The following SORCS2 variants were observed in gnomAD, a reference collection of about 807,000 sequenced individuals.
The protein encoded by SORCS2 is VPS10 domain-containing receptor SorCS2.
In SORCS2, 100 loss-of-function variants were observed where a neutral mutation model predicts 141.6. The observed-to-expected ratio is 0.71, with a 90% CI of 0.60 to 0.83. The LOEUF (loss-of-function observed/expected upper bound fraction) is 0.83, where lower values mean the gene tolerates loss of function less well. Ranked by LOEUF, SORCS2 falls within the 40% of genes least tolerant of loss-of-function variation. The probability of loss-of-function intolerance (pLI) is 0.00; values close to 1 mark genes in which losing one functional copy is unlikely to be tolerated. For missense variants in SORCS2, 1,646 were observed against 1,560.2 expected (o/e 1.05, Z -0.93); for synonymous variants, 789 against 676.9 (o/e 1.17, Z -2.57).
intron 8 of SORCS2, among the ~76,000 whole-genome samples, chr4:7,674,418 A>G (rs1035999488): frequency 5.3e-5 from 8 of 151,844 alleles, no homozygotes; most frequent in African/African-American, 1.9e-4. Context: ...CTAAAAATAC[A>G]AAAAATTAGC....
At chr4:7,478,771 C>CA (rs1229341740) in intron 2 of SORCS2, among the ~76,000 whole-genome samples, 2 of 152,176 alleles carry the variant, frequency 1.3e-5, no homozygotes, top group African/African-American at 4.8e-5. Flanking sequence ...TTTCTGTGAT[C>CA]ACTGGGAAGG....
chr4:7,651,060 A>G (rs1721416620), intron 4 of SORCS2, among the ~76,000 whole-genome samples: 1 of 152,198 alleles, frequency 6.6e-6, no homozygotes, highest in Non-Finnish European at 1.5e-5. Context: ...CATCAGTTAT[A>G]GAATCACTGG....
intron 14 of SORCS2, among the ~76,000 whole-genome samples, chr4:7,705,242 A>C (rs1166473923): frequency 1.3e-5 from 2 of 152,104 alleles, no homozygotes; most frequent in Non-Finnish European, 1.5e-5. Flanking sequence ...CAGGGCCCCC[A>C]GGAGCTGGAA....
intron 1 of SORCS2, among the ~76,000 whole-genome samples, chr4:7,202,600 T>C (rs975606113): frequency 2.0e-5 from 3 of 152,228 alleles, no homozygotes; most frequent in East Asian, 3.8e-4. Context: ...ACCGAGCACA[T>C]TTCTTGCAAG....
At chr4:7,215,150 G>C (rs80024632) in intron 1 of SORCS2, among the ~76,000 whole-genome samples, 50 of 151,990 alleles carry the variant, frequency 3.3e-4, no homozygotes, top group African/African-American at 1.0e-3. Context: ...AGCGGGAACC[G>C]GGGCTGTGTG....
intron 1 of SORCS2, among the ~76,000 whole-genome samples, chr4:7,260,203 A>G (rs1477341167): frequency 6.6e-6 from 1 of 152,214 alleles, no homozygotes; most frequent in African/African-American, 2.4e-5. Flanking sequence ...AAGAATGGGT[A>G]GGAGGCAGCT....
rs148762149 is a variant in SORCS2 at position 7,228,467 on chromosome 4, C to T, written c.480+35341C>T. Reference sequence around the variant, plus strand: ...GGTGGATGAGGTGCGGATTCCCTCTCCAGTCTCTACTGAGCCTAAAACTTG... The same window carrying T: ...GGTGGATGAGGTGCGGATTCCCTCTTCAGTCTCTACTGAGCCTAAAACTTG... On this transcript the variant is annotated intron_variant, in intron 1 of 26. Coordinates refer to ENST00000507866, the MANE Select transcript of SORCS2 (RefSeq NM_020777.3). 1.7e-3 allele frequency among the ~76,000 whole-genome samples: 264 copies of T among 152,328 alleles called. 5 individuals are homozygous for T. The highest frequency in any genetic ancestry group is 0.014 in the Admixed American group (220 of 15,304).
chr4:7,591,884 G>A (rs946885116), intron 3 of SORCS2, among the ~76,000 whole-genome samples: 11 of 152,114 alleles, frequency 7.2e-5, no homozygotes, highest in East Asian at 3.9e-4. Flanking sequence ...CTGGGATTAC[G>A]CTTTTCTGTG....
intron 18 of SORCS2, among the ~76,000 whole-genome samples, chr4:7,720,877 G>A (rs1314224088): frequency 6.6e-6 from 1 of 152,222 alleles, no homozygotes; most frequent in African/African-American, 2.4e-5. Context: ...GATCACTTAC[G>A]CATGGCTGGG....
At chr4:7,506,222 G>A (rs1396250280) in intron 2 of SORCS2, among the ~76,000 whole-genome samples, 3 of 146,952 alleles carry the variant, frequency 2.0e-5, no homozygotes, top group South Asian at 2.1e-4. Flanking sequence ...TTTAGTCTGA[G>A]CGGGCCTCCT....
At chr4:7,552,472 C>T (rs1713786829) in intron 3 of SORCS2, among the ~76,000 whole-genome samples, 2 of 152,094 alleles carry the variant, frequency 1.3e-5, no homozygotes, top group Admixed American at 1.3e-4. Context: ...AAGCACTGGC[C>T]CCAGTCCAAG....
chr4:7,460,694 G>A (rs1034280746), intron 2 of SORCS2, among the ~76,000 whole-genome samples: 1 of 152,214 alleles, frequency 6.6e-6, no homozygotes, highest in Admixed American at 6.5e-5. Flanking sequence ...TGGAGGGAAA[G>A]GGAATAGGAC....
rs189424404 is a variant in SORCS2 at position 7,317,245 on chromosome 4, A to G, written c.481-79043A>G. Among the ~76,000 whole-genome samples the G allele has an allele frequency of 6.6e-5, 10 of 152,304 alleles. No homozygotes were observed. In the East Asian group the frequency reaches 9.7e-4, roughly 15 times the overall value. ...GTGATCATACAGAGTGCTGGGGGCT[A>G]TGGGAACCCAGATGAGGCACCTAGC... On this transcript the variant is annotated intron_variant, in intron 1 of 26. Transcript: ENST00000507866.
intron 1 of SORCS2, among the ~76,000 whole-genome samples, chr4:7,218,878 C>G (rs1282791691): frequency 6.6e-6 from 1 of 152,228 alleles, no homozygotes; most frequent in Non-Finnish European, 1.5e-5. Flanking sequence ...CAAACTCTTT[C>G]TCTGGCCCTT....
chr4:7,622,338 C>G (rs891725446), intron 3 of SORCS2, among the ~76,000 whole-genome samples: 2 of 152,190 alleles, frequency 1.3e-5, no homozygotes, highest in African/African-American at 4.8e-5. Context: ...TTGCAGGGCT[C>G]TGAAGCCTTT....
intron 3 of SORCS2, among the ~76,000 whole-genome samples, chr4:7,540,781 GC>G (rs1173871275): frequency 6.6e-6 from 1 of 152,162 alleles, no homozygotes; most frequent in Admixed American, 6.5e-5. Flanking sequence ...CGACCCCCCT[GC>G]CCCCCGCACC....
chr4:7,204,599 C>T (rs1727635115), intron 1 of SORCS2, among the ~76,000 whole-genome samples: 1 of 152,154 alleles, frequency 6.6e-6, no homozygotes, highest in Admixed American at 6.5e-5. Context: ...TACCCACTTG[C>T]CGGTCAGTAG....
At chr4:7,681,399 C>T (rs1356348506) in intron 9 of SORCS2, among the ~76,000 whole-genome samples, 2 of 152,146 alleles carry the variant, frequency 1.3e-5, no homozygotes, top group African/African-American at 4.8e-5. Context: ...ATGGTGGAAA[C>T]ACGGTCAGAG....
chr4:7,532,797 T>C (rs1270660500), intron 3 of SORCS2, among the ~76,000 whole-genome samples: 2 of 152,148 alleles, frequency 1.3e-5, no homozygotes, highest in Non-Finnish European at 2.9e-5. Context: ...CTAAAGCAGG[T>C]TGCTTTGCTG....
Sources: allele counts gnomAD v4.1 joint callset (sites outside exome capture counted in the v4.1 genomes callset), GRCh38; gene constraint gnomAD v4.1.1; transcripts MANE v1.5; gene names NCBI Gene and HGNC (gene_info 2026-07-23, HGNC 2026-07-21).